SPIDR: variants seen among roughly 807,000 people sequenced by gnomAD.
SPIDR encodes DNA repair-scaffolding protein.
Under a neutral mutation model 104.6 loss-of-function variants are expected in SPIDR, and 93 were observed. The ratio of observed to expected loss-of-function variants is 0.89; its 90% CI spans 0.75 to 1.06. SPIDR has a LOEUF of 1.06. SPIDR is among the 50% of genes least tolerant of loss of function. The pLI is 0.00. For missense variants in SPIDR, 1,154 were observed against 1,111.2 expected (o/e 1.04, Z -0.55); for synonymous variants, 431 against 416.9 (o/e 1.03, Z -0.41).
intron 4 of SPIDR, among the ~76,000 whole-genome samples, chr8:47,293,101 G>T (rs1003947267): frequency 3.6e-4 from 55 of 152,132 alleles, no homozygotes; most frequent in Middle Eastern, 3.4e-3. Context: ...CTCAGTGGTG[G>T]TCTGACCTTC....
intron 1 of SPIDR, among the ~76,000 whole-genome samples, chr8:47,276,306 G>GTA (rs1385923913): frequency 6.6e-6 from 1 of 152,220 alleles, no homozygotes; most frequent in Admixed American, 6.5e-5. Context: ...AAGAAAAGCA[G>GTA]TATACAATAT....
chr8:47,508,623 C>A (rs2081852497), intron 8 of SPIDR, among the ~76,000 whole-genome samples: 1 of 152,174 alleles, frequency 6.6e-6, no homozygotes, highest in African/African-American at 2.4e-5. Context: ...TCTTGAGCCC[C>A]TCGAATTCTA....
chr8:47,679,201 G>A (rs1263638806), intron 11 of SPIDR, among the ~76,000 whole-genome samples: 3 of 152,234 alleles, frequency 2.0e-5, no homozygotes, highest in Non-Finnish European at 2.9e-5. Flanking sequence ...CAACACAGAC[G>A]CATGTTTTAA....
intron 8 of SPIDR, among the ~76,000 whole-genome samples, chr8:47,568,122 A>G (rs1317638534): frequency 6.6e-6 from 1 of 151,846 alleles, no homozygotes; most frequent in Admixed American, 6.6e-5. Flanking sequence ...TGATTTTTTA[A>G]GGCATTTTCC....
At chr8:47,467,256 C>A (rs977737703) in intron 8 of SPIDR, among the ~76,000 whole-genome samples, 3 of 152,076 alleles carry the variant, frequency 2.0e-5, no homozygotes, top group African/African-American at 7.2e-5. Flanking sequence ...CAGGACCAGA[C>A]AGATTCACAG....
chr8:47,420,186 CGTT>C (rs1563922210), intron 7 of SPIDR, among the ~76,000 whole-genome samples: 1 of 152,078 alleles, frequency 6.6e-6, no homozygotes, highest in African/African-American at 2.4e-5. Flanking sequence ...CTTTGTGTCT[CGTT>C]GATCTGTCTA....
At chr8:47,582,861 CACACACACAT>C (rs566287165) in intron 8 of SPIDR, among the ~76,000 whole-genome samples, 3,640 of 141,050 alleles carry the variant, frequency 0.026, 75 homozygotes, top group Middle Eastern at 0.068. Flanking sequence ...CACACACACA[CACACACACAT>C]ATTTTTAAAA....
At chr8:47,679,262 T>C (rs1408000913) in intron 11 of SPIDR, among the ~76,000 whole-genome samples, 1 of 152,206 alleles carries the variant, frequency 6.6e-6, no homozygotes, top group African/African-American at 2.4e-5. Context: ...CCTTTTTTGA[T>C]GAATAATATG....
chr8:47,721,127 G>A (rs909769273), intron 16 of SPIDR, among the ~76,000 whole-genome samples: 1 of 152,136 alleles, frequency 6.6e-6, no homozygotes, highest in Non-Finnish European at 1.5e-5. Flanking sequence ...CACATCAGTT[G>A]TTTCTTTCAC....
At chr8:47,660,072 T>C (rs182224377) in intron 10 of SPIDR, among the ~76,000 whole-genome samples, 1 of 152,328 alleles carries the variant, frequency 6.6e-6, no homozygotes, top group African/African-American at 2.4e-5. Flanking sequence ...GGAAAACACG[T>C]AGCTTTGGAA....
chr8:47,467,285 A>G (rs1363616288), intron 8 of SPIDR, among the ~76,000 whole-genome samples: 2 of 152,190 alleles, frequency 1.3e-5, no homozygotes, highest in African/African-American at 2.4e-5. Flanking sequence ...TACCAGATGT[A>G]CAAAGAAGAG....
chr8:47,693,704 G>A (rs1015213156), intron 11 of SPIDR, among the ~76,000 whole-genome samples: 6 of 140,240 alleles, frequency 4.3e-5, no homozygotes, highest in African/African-American at 1.3e-4. Flanking sequence ...TCTCGGTGGT[G>A]ACCAGCCCCG....
At chr8:47,709,424 G>A (rs187326084) in intron 14 of SPIDR, among the ~76,000 whole-genome samples, 1 of 152,356 alleles carries the variant, frequency 6.6e-6, no homozygotes, top group African/African-American at 2.4e-5. Context: ...ACAGGCGTAA[G>A]CCACGGCGCC....
At chr8:47,695,142 G>A (rs2079155559) in intron 11 of SPIDR, among the ~76,000 whole-genome samples, 1 of 152,046 alleles carries the variant, frequency 6.6e-6, no homozygotes, top group South Asian at 2.1e-4. Context: ...ATGGAAGTGA[G>A]AAAGAAAAAT....
intron 10 of SPIDR, among the ~76,000 whole-genome samples, chr8:47,658,956 AAAAAG>A (rs1563451644): frequency 2.0e-5 from 3 of 151,284 alleles, no homozygotes; most frequent in Non-Finnish European, 4.4e-5. Context: ...AAAAAAAAAA[AAAAAG>A]AAAAGACTCT....
chr8:47,441,527 G>A (rs1413973217), intron 8 of SPIDR, among the ~76,000 whole-genome samples: 33 of 151,864 alleles, frequency 2.2e-4, no homozygotes, highest in Admixed American at 2.2e-3. Context: ...AAAAAAAGTA[G>A]TGCCTTGTCA....
intron 5 of SPIDR, among the ~76,000 whole-genome samples, chr8:47,306,778 T>C (rs944368917): frequency 4.5e-4 from 68 of 152,226 alleles, no homozygotes; most frequent in Non-Finnish European, 8.4e-4. Flanking sequence ...GGTCTTTTAA[T>C]TGGTGCATAA....
At chr8:47,331,417 A>G (rs964211588) in intron 5 of SPIDR, among the ~76,000 whole-genome samples, 3 of 152,252 alleles carry the variant, frequency 2.0e-5, no homozygotes, top group African/African-American at 2.4e-5. Context: ...AAACCTTTAT[A>G]GCATTTTACT....
chr8:47,531,756 G>A (rs1443744513), intron 8 of SPIDR, among the ~76,000 whole-genome samples: 3 of 152,090 alleles, frequency 2.0e-5, no homozygotes, highest in Non-Finnish European at 4.4e-5. Flanking sequence ...ACATTACTAG[G>A]CAGTAAGAAT....
Sources: allele counts gnomAD v4.1 joint callset (sites outside exome capture counted in the v4.1 genomes callset), GRCh38; gene constraint gnomAD v4.1.1; transcripts MANE v1.5; gene names NCBI Gene and HGNC (gene_info 2026-07-23, HGNC 2026-07-21).